Variants in LRP6 observed in about 807,000 individuals in gnomAD.
The protein encoded by LRP6 is LDL receptor related protein 6.
LRP6 carries 43 observed loss-of-function variants against 184.1 expected under a neutral mutation model. The observed-to-expected ratio is 0.23, with a 90% CI of 0.18 to 0.30. The LOEUF (loss-of-function observed/expected upper bound fraction) is 0.30. LRP6 is among the 10% of genes least tolerant of loss of function. The probability of loss-of-function intolerance (pLI) is 1.00; values close to 1 mark genes in which losing one functional copy is unlikely to be tolerated. For missense variants in LRP6, 1,571 were observed against 2,005.3 expected, an observed-to-expected ratio of 0.78 and a Z score of 4.14; for synonymous variants, 719 against 684.9, an observed-to-expected ratio of 1.05 and a Z score of -0.78.
intron 3 of LRP6, among the ~76,000 whole-genome samples, chr12:12,202,217 A>G (rs1346337139): frequency 6.6e-6 from 1 of 152,250 alleles, no homozygotes; most frequent in Non-Finnish European, 1.5e-5. Context: ...GAGATGAGCA[A>G]ACTACAGCCC....
Position 12,186,973 on chromosome 12 carries a change from A to G in LRP6, c.794T>C (p.Ile265Thr), listed in dbSNP as rs1565619451. 26 of 1,614,160 alleles carry G rather than the reference A, an allele frequency of 1.6e-5. No individual in the cohort carries two copies. The highest frequency in any genetic ancestry group is 2.2e-5 in the Non-Finnish European group (26 of 1,180,020). The change falls in exon 4 of 23, where the codon ATC becomes ACC. Residue 265 changes from isoleucine (I) to threonine (T), a missense_variant. By Grantham distance (89) the Ile-to-Thr change is moderately conservative (BLOSUM62 -1). Transcript: ENST00000261349. Reference sequence around the variant, plus strand: ...GGCATGTATATCCATGGGAGAGAAGATGTCAGAATGGATTTCACGCAGACC... The same window carrying G: ...GGCATGTATATCCATGGGAGAGAAGGTGTCAGAATGGATTTCACGCAGACC... Reference protein sequence around the residue: ...GEGLREIHSDIFSPMDIHAFS... With the variant: ...GEGLREIHSDTFSPMDIHAFS...
At position 12,181,370 on chromosome 12, in the gene LRP6, A is replaced by C; in HGVS notation, c.1046T>G (p.Phe349Cys). Residue 349 changes from phenylalanine (F) to cysteine (C), a missense_variant, in exon 6 of 23, where the codon TTT (phenylalanine) becomes TGT (cysteine). Coordinates refer to ENST00000261349, the MANE Select transcript of LRP6 (RefSeq NM_002336.3). Reference protein sequence around the residue: ...LRRISLDTPDFTDIVLQLEDI... With the variant: ...LRRISLDTPDCTDIVLQLEDI... ...TTCTAACTGCAGAACAATGTCTGTA[A>C]AATCTGGTGTATCCAAAGAAATGCG... The C allele has an allele frequency of 6.3e-7, 1 of 1,599,278 alleles. No homozygotes were observed.
intron 3 of LRP6, among the ~76,000 whole-genome samples, chr12:12,193,674 C>G (rs1177153111): frequency 6.6e-6 from 1 of 151,984 alleles, no homozygotes; most frequent in Admixed American, 6.6e-5. Flanking sequence ...ATTACTAAAA[C>G]TGACTCAAGA....
chr12:12,171,237 C>T (rs1007890403), intron 7 of LRP6, among the ~76,000 whole-genome samples: 6 of 152,118 alleles, frequency 3.9e-5, no homozygotes, highest in African/African-American at 1.4e-4. Context: ...CTATTATTGG[C>T]CGAGCGCGGT....
chr12:12,141,802 A>G (rs1228684936), intron 15 of LRP6, among the ~76,000 whole-genome samples: 1 of 152,230 alleles, frequency 6.6e-6, no homozygotes, highest in East Asian at 1.9e-4. Context: ...TTTAGAAAGA[A>G]ATGTACCTAA....
At chr12:12,231,079 G>A (rs1864770825) in intron 2 of LRP6, among the ~76,000 whole-genome samples, 1 of 149,076 alleles carries the variant, frequency 6.7e-6, no homozygotes, top group South Asian at 2.2e-4. Context: ...TACTTGGGAG[G>A]CTGAGGCAGG....
Position 12,159,024 on chromosome 12 carries a change from G to A in LRP6, c.2596C>T (p.Arg866Cys), listed in dbSNP as rs752728318. ...ERANKTSGQN[R>C]TIIQGHLDYV... ...TCCAAATGGCCCTGAATGATGGTGCGGTTTTGGCCACTGGTTTTGTTGGCA... is the reference window on the plus strand; with the variant it reads ...TCCAAATGGCCCTGAATGATGGTGCAGTTTTGGCCACTGGTTTTGTTGGCA... The change falls in exon 12 of 23, where the codon CGC (arginine) becomes TGC (cysteine). Residue 866 changes from arginine (R) to cysteine (C), a missense_variant. By Grantham distance (180) the Arg-to-Cys change is radical (BLOSUM62 -3). Around this residue, in one of 4 missense-constraint regions of LRP6, gnomAD observed 158 missense variants for 258.4 expected, o/e 0.61. Coordinates refer to ENST00000261349, the MANE Select transcript of LRP6 (RefSeq NM_002336.3). The A allele has an allele frequency of 3.1e-6, 5 of 1,614,204 alleles. No individual in the cohort carries two copies. The highest frequency in any genetic ancestry group is 2.2e-5 in the East Asian group (1 of 44,876).
Position 12,147,381 on chromosome 12 carries a change from T to C in LRP6, c.3382A>G (p.Ser1128Gly), listed in dbSNP as rs1950024187. The change falls in exon 15 of 23, where the codon AGC (serine) becomes GGC (glycine). Residue 1128 changes from serine to glycine, a missense_variant. This residue lies in a region of LRP6 where 763 missense variants were observed against 859.5 expected (regional missense o/e 0.89). Coordinates refer to ENST00000261349, the MANE Select transcript of LRP6 (RefSeq NM_002336.3). ...WADSDLRRIE[S>G]SDLSGANRIV... ...TCTTGGGTACCTGAGAGATCACTGC[T>C]TTCAATTCGCCGGAGATCTGAATCA... The C allele has an allele frequency of 1.2e-6, 2 of 1,614,048 alleles. No individual in the cohort carries two copies. The highest frequency in any genetic ancestry group is 1.3e-5 in the African/African-American group (1 of 74,924).
intron 2 of LRP6, chr12:12,211,168 G>T (rs907323513): frequency 6.6e-6 from 1 of 152,266 alleles, no homozygotes; most frequent in African/African-American, 2.4e-5. Context: ...TGGGTGCAGT[G>T]GTTCACACCT....
intron 3 of LRP6, among the ~76,000 whole-genome samples, chr12:12,189,279 G>A (rs917448150): frequency 2.0e-5 from 3 of 152,098 alleles, no homozygotes; most frequent in Admixed American, 1.3e-4. Context: ...TCCTCACTGC[G>A]TTAATGTGAA....
chr12:12,126,358 G>C (rs1278465700), intron 20 of LRP6, among the ~76,000 whole-genome samples: 2 of 152,150 alleles, frequency 1.3e-5, no homozygotes, highest in Admixed American at 1.3e-4. Context: ...AGAGTTCCCT[G>C]GTGGTGAACT....
chr12:12,146,511 A>C (rs1021869496), intron 15 of LRP6, among the ~76,000 whole-genome samples: 1 of 152,246 alleles, frequency 6.6e-6, no homozygotes, highest in African/African-American at 2.4e-5. Context: ...TTACAGACAT[A>C]AGATTGCAGA....
chr12:12,259,033 G>C (rs530222073), intron 1 of LRP6, among the ~76,000 whole-genome samples: 1 of 152,176 alleles, frequency 6.6e-6, no homozygotes, highest in Non-Finnish European at 1.5e-5. Context: ...AGGCCAAAGC[G>C]GGTGGACCAC....
At chr12:12,137,830 T>C (rs1949865892) in intron 16 of LRP6, among the ~76,000 whole-genome samples, 1 of 152,008 alleles carries the variant, frequency 6.6e-6, no homozygotes, top group African/African-American at 2.4e-5. Context: ...TTATGTTTAA[T>C]TTGGAAAAGC....
chr12:12,258,494 T>C (rs1013795999), intron 1 of LRP6, among the ~76,000 whole-genome samples: 2 of 152,228 alleles, frequency 1.3e-5, no homozygotes, highest in African/African-American at 2.4e-5. Flanking sequence ...CAAATAAATG[T>C]CATAAAAATT....
intron 7 of LRP6, among the ~76,000 whole-genome samples, chr12:12,176,286 TGAA>T (rs1375297456): frequency 3.9e-5 from 6 of 152,178 alleles, no homozygotes; most frequent in Non-Finnish European, 8.8e-5. Flanking sequence ...TTCAGCATAA[TGAA>T]GAAGAGACAT....
chr12:12,149,406 T>C (rs1420316440), intron 13 of LRP6, among the ~76,000 whole-genome samples: 1 of 152,172 alleles, frequency 6.6e-6, no homozygotes. Context: ...AAGAACCTGA[T>C]AATGCCTTGA....
At chr12:12,144,734 T>TAA (rs36006256) in intron 15 of LRP6, among the ~76,000 whole-genome samples, 2 of 151,840 alleles carry the variant, frequency 1.3e-5, no homozygotes, top group African/African-American at 4.8e-5. Flanking sequence ...TATGCAACCA[T>TAA]AAAAAAGGAT....
chr12:12,158,734 C>T (rs1862661266), intron 12 of LRP6, 95 bp downstream of exon 12: 2 of 1,237,960 alleles, frequency 1.6e-6, no homozygotes, highest in Middle Eastern at 2.2e-4. Context: ...TCTGGATTTC[C>T]ACACTATTTA....
Sources: gnomAD v4.1 joint callset for allele counts (sites outside exome capture counted in the v4.1 genomes callset) on GRCh38, gnomAD v4.1.1 for gene constraint, gnomAD v4.1.1 regional missense constraint, MANE v1.5 for transcripts, NCBI Gene and HGNC (gene_info 2026-07-23, HGNC 2026-07-21) for gene names.